The following RCSD1 variants were observed in gnomAD, a reference collection of about 807,000 sequenced individuals.
RCSD1 encodes RCSD domain containing 1.
Under a neutral mutation model 42.5 loss-of-function variants are expected in RCSD1, and 26 were observed. That is an observed-to-expected ratio of 0.61 (90% CI 0.45 to 0.85). The LOEUF (loss-of-function observed/expected upper bound fraction) is 0.85. RCSD1 is among the 40% of genes least tolerant of loss of function. The pLI is 0.00. For synonymous variants in RCSD1, 220 were observed against 212.2 expected, an observed-to-expected ratio of 1.04 and a Z score of -0.32; for missense variants, 571 against 528.3, an observed-to-expected ratio of 1.08 and a Z score of -0.79.
intron 1 of RCSD1, among the ~76,000 whole-genome samples, chr1:167,647,871 A>G (rs1658200660): frequency 6.6e-6 from 1 of 152,206 alleles, no homozygotes; most frequent in South Asian, 2.1e-4. Flanking sequence ...AAATTAAGCT[A>G]ATCTTAAATA....
chr1:167,702,241 A>C (rs1488620038), intron 6 of RCSD1, among the ~76,000 whole-genome samples: 1 of 152,180 alleles, frequency 6.6e-6, no homozygotes, highest in Non-Finnish European at 1.5e-5. Context: ...AAAACAGGGG[A>C]AAGTTCCATA....
At chr1:167,698,137 T>C (rs1406586362) in intron 6 of RCSD1, among the ~76,000 whole-genome samples, 2 of 152,182 alleles carry the variant, frequency 1.3e-5, no homozygotes, top group Non-Finnish European at 2.9e-5. Context: ...GCTCAGTAAC[T>C]GAGGCCTGCA....
At chr1:167,681,426 A>G (rs910596004) in intron 1 of RCSD1, among the ~76,000 whole-genome samples, 12 of 152,196 alleles carry the variant, frequency 7.9e-5, no homozygotes, top group African/African-American at 2.4e-5. Context: ...CAAGCTCTGG[A>G]GTCCTTAGTC....
At chr1:167,698,839 G>T (rs1273462476) in intron 6 of RCSD1, among the ~76,000 whole-genome samples, 1 of 150,346 alleles carries the variant, frequency 6.7e-6, no homozygotes, top group Non-Finnish European at 1.5e-5. Context: ...TCGCTGTGTC[G>T]CCCAGGCTGG....
intron 2 of RCSD1, among the ~76,000 whole-genome samples, chr1:167,684,735 G>A (rs1217965278): frequency 5.3e-5 from 8 of 152,292 alleles, no homozygotes; most frequent in African/African-American, 1.2e-4. Flanking sequence ...TTGGCCGGGC[G>A]TGGTGGCACA....
chr1:167,639,987 A>T (rs1571668863), intron 1 of RCSD1, among the ~76,000 whole-genome samples: 1 of 152,210 alleles, frequency 6.6e-6, no homozygotes. Context: ...CCTGAATTTA[A>T]GTACTGGAGA....
chr1:167,662,559 ACCT>A (rs1040193812), intron 1 of RCSD1, among the ~76,000 whole-genome samples: 5 of 152,004 alleles, frequency 3.3e-5, no homozygotes, highest in Admixed American at 2.0e-4. Flanking sequence ...GCTTGTGGAC[ACCT>A]CCTAGGCTAT....
At chr1:167,681,789 T>C (rs964789066) in intron 1 of RCSD1, among the ~76,000 whole-genome samples, 1 of 152,206 alleles carries the variant, frequency 6.6e-6, no homozygotes, top group African/African-American at 2.4e-5. Context: ...TCAGCCAGCA[T>C]CTTTGCCAAG....
chr1:167,637,802 C>T (rs1038106739), intron 1 of RCSD1, among the ~76,000 whole-genome samples: 4 of 152,254 alleles, frequency 2.6e-5, no homozygotes, highest in Non-Finnish European at 2.9e-5. Flanking sequence ...CCTGCAGCCC[C>T]GCTCATTCCT....
chr1:167,682,967 T>C (rs566561022), intron 1 of RCSD1, among the ~76,000 whole-genome samples: 8 of 152,316 alleles, frequency 5.3e-5, no homozygotes, highest in African/African-American at 1.9e-4. Flanking sequence ...CAAGTGGTTA[T>C]GTAGGCCTCC....
At chr1:167,664,137 AGTCAATTGCCTAGGATCCCACAACCC>A (rs1394294941) in intron 1 of RCSD1, 3 of 152,232 alleles carry the variant, frequency 2.0e-5, no homozygotes, top group African/African-American at 7.2e-5. Context: ...TGAACAGTTA[AGTCAATTGCCTAGGATCCCACAACCC>A]GTCAATTACA....
intron 1 of RCSD1, among the ~76,000 whole-genome samples, chr1:167,652,834 A>G (rs537833144): frequency 2.2e-4 from 34 of 152,174 alleles, no homozygotes; most frequent in Non-Finnish European, 3.5e-4. Flanking sequence ...TGTGATCCAT[A>G]ATTTACTTCA....
intron 1 of RCSD1, among the ~76,000 whole-genome samples, chr1:167,683,219 T>C (rs951823726): frequency 6.6e-6 from 1 of 152,212 alleles, no homozygotes; most frequent in Non-Finnish European, 1.5e-5. Context: ...AGCCAGGCCT[T>C]GTCCCAGCCC....
intron 6 of RCSD1, among the ~76,000 whole-genome samples, chr1:167,701,552 C>A (rs1558096258): frequency 1.3e-5 from 2 of 151,988 alleles, no homozygotes; most frequent in Non-Finnish European, 2.9e-5. Flanking sequence ...GTGATCTGCC[C>A]ACCTCAGCCT....
intron 1 of RCSD1, among the ~76,000 whole-genome samples, chr1:167,677,464 G>T (rs1658979602): frequency 6.6e-6 from 1 of 152,236 alleles, no homozygotes; most frequent in Admixed American, 6.5e-5. Context: ...CAGGAGGCAG[G>T]TCTGTGCCTT....
At chr1:167,654,622 G>A (rs536204080) in intron 1 of RCSD1, among the ~76,000 whole-genome samples, 4 of 152,282 alleles carry the variant, frequency 2.6e-5, no homozygotes, top group African/African-American at 9.6e-5. Context: ...CTACTAAGAT[G>A]TTTTGATTAT....
At chr1:167,662,427 G>A (rs74231838) in intron 1 of RCSD1, among the ~76,000 whole-genome samples, 14,187 of 151,946 alleles carry the variant, frequency 0.093, 739 homozygotes, top group Middle Eastern at 0.21. Context: ...TTCTCTTTCT[G>A]CCTCCTCATT....
chr1:167,655,715 T>A (rs1276982770), intron 1 of RCSD1, among the ~76,000 whole-genome samples: 1 of 152,172 alleles, frequency 6.6e-6, no homozygotes, highest in African/African-American at 2.4e-5. Flanking sequence ...CCAACAATAC[T>A]CTGTGGTTGT....
intron 1 of RCSD1, among the ~76,000 whole-genome samples, chr1:167,648,574 C>A (rs1353004396): frequency 6.6e-6 from 1 of 152,222 alleles, no homozygotes; most frequent in Admixed American, 6.5e-5. Flanking sequence ...CCCCCTCCAC[C>A]AGCAGGGAGT....
Sources: allele counts gnomAD v4.1 joint callset (sites outside exome capture counted in the v4.1 genomes callset), GRCh38; gene constraint gnomAD v4.1.1; transcripts MANE v1.5; gene names NCBI Gene and HGNC (gene_info 2026-07-23, HGNC 2026-07-21).